The following SDK1 variants were observed in gnomAD, a reference collection of about 807,000 sequenced individuals.
SDK1 encodes the protein protein sidekick-1.
A neutral mutation model predicts 245.5 loss-of-function variants in SDK1; 157 were observed. The ratio of observed to expected loss-of-function variants is 0.64; its 90% CI spans 0.56 to 0.73. The LOEUF is 0.73. Among genes scored for constraint, SDK1 ranks in the 30% least tolerant of loss-of-function variants. The pLI is 0.00. For missense variants in SDK1, 3,583 were observed against 3,002.3 expected, an observed-to-expected ratio of 1.19 and a Z score of -4.52; for synonymous variants, 1,647 against 1,278.5, an observed-to-expected ratio of 1.29 and a Z score of -6.15.
chr7:4,110,061 G>A (rs1254892884), intron 22 of SDK1, among the ~76,000 whole-genome samples: 1 of 152,128 alleles, frequency 6.6e-6, no homozygotes, highest in Non-Finnish European at 1.5e-5. Context: ...AACACTGCCA[G>A]GAGGCAGTTT....
chr7:3,873,686 C>T (rs1161574723), intron 5 of SDK1, among the ~76,000 whole-genome samples: 1 of 152,102 alleles, frequency 6.6e-6, no homozygotes, highest in Non-Finnish European at 1.5e-5. Context: ...CCTATTGACC[C>T]ATCTTCAAGT....
At chr7:3,893,381 A>T (rs751914592) in intron 5 of SDK1, among the ~76,000 whole-genome samples, 10 of 152,044 alleles carry the variant, frequency 6.6e-5, no homozygotes, top group Non-Finnish European at 1.3e-4. Context: ...TGCTATGCTT[A>T]TCTGTAAATG....
chr7:4,154,650 T>G (rs1220476111), intron 30 of SDK1, among the ~76,000 whole-genome samples: 2 of 152,166 alleles, frequency 1.3e-5, no homozygotes, highest in African/African-American at 4.8e-5. Context: ...GGATGCGTGA[T>G]GGGATGTCAT....
chr7:3,497,773 T>C (rs1377187392), intron 1 of SDK1, among the ~76,000 whole-genome samples: 2 of 152,220 alleles, frequency 1.3e-5, no homozygotes, highest in South Asian at 2.1e-4. Context: ...TTGTTTCCTT[T>C]CTTTCTTCCC....
chr7:3,707,166 C>A (rs1395932632), intron 4 of SDK1, among the ~76,000 whole-genome samples: 1 of 152,106 alleles, frequency 6.6e-6, no homozygotes, highest in Non-Finnish European at 1.5e-5. Context: ...TATGATCTTT[C>A]AGAATTTTTT....
intron 8 of SDK1, among the ~76,000 whole-genome samples, chr7:3,961,022 A>G (rs1781636635): frequency 6.6e-6 from 1 of 152,222 alleles, no homozygotes; most frequent in African/African-American, 2.4e-5. Context: ...ACAAATGACA[A>G]TCTTAAACTC....
chr7:4,075,764 C>T (rs562885211), intron 20 of SDK1, among the ~76,000 whole-genome samples: 1 of 151,838 alleles, frequency 6.6e-6, no homozygotes, highest in Non-Finnish European at 1.5e-5. Flanking sequence ...GAGTGATTCT[C>T]GTGCCTCAGC....
intron 1 of SDK1, among the ~76,000 whole-genome samples, chr7:3,384,899 T>A (rs944539299): frequency 3.9e-5 from 6 of 152,188 alleles, no homozygotes; most frequent in Admixed American, 3.9e-4. Context: ...AAATAATTGT[T>A]GAGTAAATGG....
At chr7:3,473,372 C>G (rs1044475848) in intron 1 of SDK1, among the ~76,000 whole-genome samples, 1 of 152,214 alleles carries the variant, frequency 6.6e-6, no homozygotes, top group Non-Finnish European at 1.5e-5. Flanking sequence ...ACAATAATTA[C>G]TTGGCTTGTA....
chr7:3,583,333 C>G (rs532023915), intron 1 of SDK1, among the ~76,000 whole-genome samples: 1 of 152,188 alleles, frequency 6.6e-6, no homozygotes, highest in African/African-American at 2.4e-5. Flanking sequence ...CATTTAGAAA[C>G]TTTCCTCTTC....
chr7:3,538,522 G>T (rs570046241), intron 1 of SDK1, among the ~76,000 whole-genome samples: 1 of 152,250 alleles, frequency 6.6e-6, no homozygotes, highest in East Asian at 1.9e-4. Flanking sequence ...CTGTTTCCCT[G>T]TCAGCAAATT....
intron 4 of SDK1, among the ~76,000 whole-genome samples, chr7:3,676,645 C>T (rs944287448): frequency 1.1e-4 from 17 of 152,104 alleles, no homozygotes; most frequent in African/African-American, 3.6e-4. Flanking sequence ...ATTTTTTAAG[C>T]TTGAGGTCTT....
At chr7:3,916,553 T>A (rs1562534697) in intron 5 of SDK1, among the ~76,000 whole-genome samples, 1 of 152,222 alleles carries the variant, frequency 6.6e-6, no homozygotes. Flanking sequence ...GGCAAATCAG[T>A]TGTTTTAAGC....
At chr7:3,615,108 C>T (rs979436066) in intron 1 of SDK1, among the ~76,000 whole-genome samples, 5 of 151,576 alleles carry the variant, frequency 3.3e-5, no homozygotes, top group South Asian at 2.1e-4. Context: ...GTTTCTATCT[C>T]GAAGCTTTTC....
intron 4 of SDK1, among the ~76,000 whole-genome samples, chr7:3,750,206 A>G (rs910034880): frequency 1.3e-5 from 2 of 152,234 alleles, no homozygotes; most frequent in African/African-American, 4.8e-5. Flanking sequence ...GTTAGAACTT[A>G]CATCTCTAAA....
At chr7:4,245,830 G>C (rs755609662) in intron 44 of SDK1, 25 bp downstream of exon 44, 7 of 1,612,820 alleles carry the variant, frequency 4.3e-6, no homozygotes, top group South Asian at 3.3e-5. Context: ...CTACTTCCGG[G>C]CAGTGACCAT....
intron 4 of SDK1, among the ~76,000 whole-genome samples, chr7:3,723,848 A>G (rs569141249): frequency 1.4e-5 from 2 of 142,040 alleles, no homozygotes; most frequent in South Asian, 2.2e-4. Flanking sequence ...ATATACACGT[A>G]CATATACATA....
intron 4 of SDK1, among the ~76,000 whole-genome samples, chr7:3,792,540 A>G (rs956976516): frequency 1.2e-4 from 18 of 152,214 alleles, no homozygotes; most frequent in African/African-American, 2.4e-5. Flanking sequence ...AATGCAAATC[A>G]GGCTTTTATG....
At position 4,139,413 on chromosome 7, in the gene SDK1, ATG is replaced by A. The variant is rs546299329; in HGVS notation, c.4229-6297_4229-6296del. Among the ~76,000 whole-genome samples the A allele has an allele frequency of 4.5e-3, 663 of 147,562 alleles. 46 individuals carry two copies. The highest frequency in any genetic ancestry group is 0.014 in the African/African-American group (545 of 39,798). On this transcript the variant is annotated intron_variant, in intron 28 of 44. Transcript: ENST00000404826. Reference sequence around the variant, plus strand: ...TGTGTGTGTATATGTGTGTGTGTATATGTGTGTGTGTGTATGTATATATGTGT... The same window carrying A: ...TGTGTGTGTATATGTGTGTGTGTATATGTGTGTGTGTATGTATATATGTGT...
Sources: allele counts gnomAD v4.1 joint callset (sites outside exome capture counted in the v4.1 genomes callset), GRCh38; gene constraint gnomAD v4.1.1; transcripts MANE v1.5; gene names NCBI Gene and HGNC (gene_info 2026-07-23, HGNC 2026-07-21).